Variants in MYO5C observed in about 807,000 individuals in gnomAD.
MYO5C encodes myosin VC.
MYO5C carries 194 observed loss-of-function variants against 235.7 expected under a neutral mutation model. The observed-to-expected ratio is 0.82, with a 90% CI of 0.73 to 0.93. The LOEUF (loss-of-function observed/expected upper bound fraction) is 0.93. Among genes scored for constraint, MYO5C ranks in the 40% least tolerant of loss-of-function variants. MYO5C has a pLI of 0.00. For missense variants in MYO5C, 2,038 were observed against 2,127.2 expected (o/e 0.96, Z 0.82); for synonymous variants, 707 against 754.8 (o/e 0.94, Z 1.04).
intron 35 of MYO5C, 135 bp downstream of exon 35, chr15:52,211,594 CA>C: frequency 1.1e-6 from 1 of 938,568 alleles, no homozygotes; most frequent in Non-Finnish European, 1.6e-6. Flanking sequence ...TGGCTCCCTT[CA>C]CTAGTTGGGC....
In MYO5C at chr15:52,280,271, C is replaced by CACAT. The variant is rs1596228564; in HGVS notation, c.139-601_139-598dup. Among the ~76,000 whole-genome samples, 4 of 152,208 alleles carry CACAT rather than the reference C, an allele frequency of 2.6e-5. 1 individual carries two copies. In the East Asian group the frequency reaches 7.7e-4, roughly 29 times the overall value. ...CAGGTGTCTCCTGTCTGCAGTTGCC[C>CACAT]ACATGCCCGAGGGCTCACAGCTCCC... On this transcript the variant is annotated intron_variant, in intron 2 of 40. Transcript: ENST00000261839.
chr15:52,272,590 A>G lies in MYO5C; in HGVS notation c.740T>C (p.Val247Ala), dbSNP rs2036948126. The G allele has an allele frequency of 6.2e-7, 1 of 1,611,306 alleles. No homozygotes were observed. The highest frequency in any genetic ancestry group is 1.7e-5 in the Admixed American group (1 of 59,396). Residue 247 changes from valine (V) to alanine (A), a missense_variant, in exon 6 of 41, where the codon GTT (valine) becomes GCT (alanine). Physicochemically the swap from Val to Ala is moderately conservative, Grantham distance 64. Transcript: ENST00000261839. Reference protein sequence around the residue: ...MSTYLLEKSRVVFQSENERNY... With the variant: ...MSTYLLEKSRAVFQSENERNY... ...AAATTTAATACTTACTTGAAAGACA[A>G]CTCTGGATTTCTCCAGGAGGTAAGT...
rs1268192649 is a variant in MYO5C at position 52,229,138 on chromosome 15, C to A, written c.3202G>T (p.Val1068Phe). 1 of 1,614,178 alleles carries A rather than the reference C, an allele frequency of 6.2e-7. No homozygotes were observed. Among genetic ancestry groups the A allele is most frequent in the Admixed American group, 1.7e-5 (1 of 60,028 alleles). Residue 1068 changes from valine to phenylalanine, a missense_variant, in exon 25 of 41, where the codon GTC becomes TTC. Physicochemically the swap from Val to Phe is conservative, Grantham distance 50. Transcript: ENST00000261839. ...GAACGTGAGAGCCGCTCTACCTTGA[C>A]CTGCTTGCTCAGGCGGGCCACTTCC... The part of the protein sequence containing the change: ...KAEVARLSKQ[V>F]KTISEFEKEI...
intron 36 of MYO5C, among the ~76,000 whole-genome samples, chr15:52,208,077 C>T (rs551721409): frequency 6.8e-4 from 104 of 152,272 alleles, no homozygotes; most frequent in African/African-American, 2.5e-3. Flanking sequence ...CTGAAAGCCA[C>T]TTTGTTATTT....
At chr15:52,236,579 G>A (rs2141311057) in intron 22 of MYO5C, among the ~76,000 whole-genome samples, 1 of 152,316 alleles carries the variant, frequency 6.6e-6, no homozygotes, top group East Asian at 1.9e-4. Context: ...GGGAGGCTGA[G>A]GAAGGAGAAT....
chr15:52,202,981 C>T (rs754291985), intron 38 of MYO5C, among the ~76,000 whole-genome samples: 21 of 149,274 alleles, frequency 1.4e-4, no homozygotes, highest in Non-Finnish European at 2.1e-4. Flanking sequence ...AGTGCTGAGG[C>T]GCGATCTTGG....
At chr15:52,270,884 A>C (rs2036910590) in intron 7 of MYO5C, among the ~76,000 whole-genome samples, 1 of 152,068 alleles carries the variant, frequency 6.6e-6, no homozygotes, top group Non-Finnish European at 1.5e-5. Flanking sequence ...TGTGAGTTCA[A>C]CTCCAACATA....
intron 1 of MYO5C, among the ~76,000 whole-genome samples, chr15:52,288,282 T>C (rs2037318657): frequency 6.6e-6 from 1 of 152,236 alleles, no homozygotes; most frequent in African/African-American, 2.4e-5. Context: ...GCCCTGAAAG[T>C]AATCCTGAAC....
chr15:52,267,191 GA>G (rs2036831982), intron 8 of MYO5C, among the ~76,000 whole-genome samples: 1 of 152,220 alleles, frequency 6.6e-6, no homozygotes, highest in African/African-American at 2.4e-5. Context: ...CCAACAATTA[GA>G]AAAGGTTTCA....
intron 3 of MYO5C, 151 bp from the exon 4 acceptor site, chr15:52,279,168 C>A: frequency 1.2e-6 from 1 of 806,566 alleles, no homozygotes; most frequent in Non-Finnish European, 1.9e-6. Context: ...AATTCCCTGC[C>A]AGTCACCTAC....
In MYO5C at chr15:52,246,917, T is replaced by C; in HGVS notation, c.1979A>G (p.Glu660Gly). 5 of 1,612,630 alleles carry C rather than the reference T, an allele frequency of 3.1e-6. No homozygotes were observed. Among genetic ancestry groups the C allele is most frequent in the Non-Finnish European group, 4.2e-6 (5 of 1,179,340 alleles). The change falls in exon 16 of 41, where the codon GAA becomes GGA. Residue 660 changes from glutamate (E) to glycine (G), a missense_variant and splice_region_variant. Coordinates refer to ENST00000261839, the MANE Select transcript of MYO5C (RefSeq NM_018728.4). ...IKPNDEKLPF[E>G]FDSKRIVQQL... The stretch of plus-strand genomic sequence containing the variant: ...CTGTGTGTTGCATAAGAACACTTAC[T>C]CAAAGGGTAACTTCTCATCATTTGG...
chr15:52,276,422 T>C (rs2037052545), intron 4 of MYO5C, among the ~76,000 whole-genome samples: 1 of 152,240 alleles, frequency 6.6e-6, no homozygotes, highest in Admixed American at 6.5e-5. Flanking sequence ...TGTGAAATGC[T>C]GGCTGCCAGG....
chr15:52,230,094 T>C (rs1284308248), intron 24 of MYO5C, among the ~76,000 whole-genome samples: 1 of 152,212 alleles, frequency 6.6e-6, no homozygotes, highest in Non-Finnish European at 1.5e-5. Flanking sequence ...CCTTCAAAAA[T>C]TCTAGAATAA....
intron 34 of MYO5C, among the ~76,000 whole-genome samples, chr15:52,212,355 G>C (rs1259491798): frequency 6.6e-6 from 1 of 152,134 alleles, no homozygotes; most frequent in Non-Finnish European, 1.5e-5. Context: ...CGCTCAGTGG[G>C]GATGAAGGGG....
intron 11 of MYO5C, among the ~76,000 whole-genome samples, chr15:52,256,237 G>A (rs931677234): frequency 6.6e-6 from 1 of 152,116 alleles, no homozygotes; most frequent in East Asian, 1.9e-4. Context: ...AACACAAGCT[G>A]GAGTTGGCCA....
Position 52,211,771 on chromosome 15 carries a change from G to A in MYO5C, c.4255C>T (p.Leu1419Phe), listed in dbSNP as rs201113163. The A allele has an allele frequency of 1.5e-3, 2,447 of 1,614,156 alleles. 56 individuals are homozygous for A. In the South Asian group the frequency reaches 0.025, roughly 16 times the overall value. ...SLNDANMLKS[L>F]MNSTINGIKQ... is the part of the protein sequence containing the mutation. ...ATGCCATTAATGGTGCTGTTCATGA[G>A]GGACTTCAGCATGTTGGCATCATTC... The change falls in exon 35 of 41, where the codon CTC becomes TTC. Residue 1419 changes from leucine to phenylalanine, a missense_variant. Coordinates refer to ENST00000261839, the MANE Select transcript of MYO5C (RefSeq NM_018728.4).
At chr15:52,211,305 G>C (rs1445284885) in intron 35 of MYO5C, among the ~76,000 whole-genome samples, 2 of 152,208 alleles carry the variant, frequency 1.3e-5, no homozygotes, top group Non-Finnish European at 2.9e-5. Context: ...CTAATACACA[G>C]TTCATCTTCA....
At chr15:52,279,083 T>C in intron 3 of MYO5C, 66 bp from the exon 4 acceptor site, 1 of 1,541,016 alleles carries the variant, frequency 6.5e-7, no homozygotes. Flanking sequence ...GTTTTTTTTT[T>C]TTTAAGAAAC....
Position 52,279,597 on chromosome 15 carries a change from G to A in MYO5C, c.216C>T (p.Leu72=), listed in dbSNP as rs376113688. 6.2e-7 allele frequency: 1 copy of A among 1,614,156 alleles called. No homozygotes were observed. Among genetic ancestry groups the A allele is most frequent in the African/African-American group, 1.3e-5 (1 of 75,048 alleles). Residue 72 remains leucine, a synonymous_variant, in exon 3 of 41, where the codon CTC becomes CTT. Coordinates refer to ENST00000261839, the MANE Select transcript of MYO5C (RefSeq NM_018728.4). ...GCTCGTGAAGATAGCTGAGAGCCGT[G>A]AGGTCATTCTCGCCCACGAGGATGT... ...NPDILVGEND[L]TALSYLHEPA...
Sources: gnomAD v4.1 joint callset for allele counts (sites outside exome capture counted in the v4.1 genomes callset) on GRCh38, gnomAD v4.1.1 for gene constraint, MANE v1.5 for transcripts, NCBI Gene and HGNC (gene_info 2026-07-23, HGNC 2026-07-21) for gene names.